The following GPR4 variants were observed in gnomAD, a reference collection of about 807,000 sequenced individuals.
GPR4 encodes the protein G protein-coupled receptor 4.
In GPR4, 11 loss-of-function variants were observed where a neutral mutation model predicts 17.8. The ratio of observed to expected loss-of-function variants is 0.62; its 90% CI spans 0.39 to 1.02. GPR4 has a LOEUF of 1.02. Ranked by LOEUF, GPR4 falls within the 50% of genes least tolerant of loss-of-function variation. The probability of loss-of-function intolerance (pLI) is 0.00; values close to 1 mark genes in which losing one functional copy is unlikely to be tolerated. For missense variants in GPR4, 364 were observed against 495.4 expected, an observed-to-expected ratio of 0.73 and a Z score of 2.52; for synonymous variants, 219 against 222.8, an observed-to-expected ratio of 0.98 and a Z score of 0.15.
chr19:45,590,127 A>G lies in GPR4; in HGVS notation c.*651T>C, dbSNP rs539513255. ...GGCTTTGCAAACATAATGACTCTAT[A>G]TCGGCTGCATTTCTCCTTCCACTTT... On this transcript the variant is annotated 3_prime_UTR_variant, in exon 2 of 2. Coordinates refer to ENST00000323040, the MANE Select transcript of GPR4 (RefSeq NM_005282.3). 1.1e-3 allele frequency: 175 copies of G among 152,226 alleles called. No individual in the cohort carries two copies. The highest frequency in any genetic ancestry group is 4.0e-3 in the African/African-American group (167 of 41,514). 9.4% of individuals were successfully genotyped at this position (152,226 alleles called of 1,614,324 possible).
At chr19:45,595,086 G>A (rs1970043596) in intron 1 of GPR4, among the ~76,000 whole-genome samples, 1 of 151,980 alleles carries the variant, frequency 6.6e-6, no homozygotes, top group South Asian at 2.1e-4. Context: ...AGACCAGCCT[G>A]ACCAACATGG....
chr19:45,591,628 T>C lies in GPR4; in HGVS notation c.239A>G (p.His80Arg), dbSNP rs183839594. Reference sequence around the variant, plus strand: ...CCCGGGGCCGTGGATCCAGTTGTCGTGGTGCAGGAAGTAGTCCACCCACAG... The same window carrying C: ...CCCGGGGCCGTGGATCCAGTTGTCGCGGTGCAGGAAGTAGTCCACCCACAG... Reference protein sequence around the residue: ...LPLWVDYFLHHDNWIHGPGSC... With the variant: ...LPLWVDYFLHRDNWIHGPGSC... Residue 80 changes from histidine (H) to arginine (R), a missense_variant, in exon 2 of 2, where the codon CAC becomes CGC. Coordinates refer to ENST00000323040, the MANE Select transcript of GPR4 (RefSeq NM_005282.3). The surrounding 1 kb of genome is among the most constrained non-coding windows in gnomAD (Gnocchi z 7.6). The C allele has an allele frequency of 6.2e-6, 10 of 1,614,000 alleles. No homozygotes were observed. Among genetic ancestry groups the C allele is most frequent in the Non-Finnish European group, 8.5e-6 (10 of 1,179,990 alleles).
At chr19:45,596,063 C>T (rs982634575) in intron 1 of GPR4, among the ~76,000 whole-genome samples, 1 of 152,240 alleles carries the variant, frequency 6.6e-6, no homozygotes, top group African/African-American at 2.4e-5. Context: ...ACGCCTGCCA[C>T]TGTCCACTCT....
At chr19:45,598,921 G>T (rs911578815) in intron 1 of GPR4, among the ~76,000 whole-genome samples, 1 of 152,132 alleles carries the variant, frequency 6.6e-6, no homozygotes, top group African/African-American at 2.4e-5. Context: ...CCTACTAGAA[G>T]ATACGACCTT....
chr19:45,596,355 G>A (rs530968184), intron 1 of GPR4, among the ~76,000 whole-genome samples: 5 of 151,942 alleles, frequency 3.3e-5, no homozygotes, highest in South Asian at 4.2e-4. Context: ...ACAGGCATGC[G>A]TCACCACGCT....
In GPR4 at chr19:45,592,089, G is replaced by A; in HGVS notation, c.-223C>T. On this transcript the variant is annotated 5_prime_UTR_variant, in exon 2 of 2. Transcript: ENST00000323040. ...TGGAGGAGGGATGGAATTATGACAG[G>A]AGGGAAGTCTGGAGGATGGTGAGAT... 8.0e-6 allele frequency: 4 copies of A among 497,532 alleles called. No homozygotes were observed. The highest frequency in any genetic ancestry group is 5.5e-4 in the Middle Eastern group (1 of 1,828). 30.8% of individuals were successfully genotyped at this position (497,532 alleles called of 1,614,324 possible). A position where few individuals can be genotyped will look rare whatever the true frequency, so the allele number is the denominator to read the frequency against.
At chr19:45,596,203 CTTTT>C (rs56044839) in intron 1 of GPR4, among the ~76,000 whole-genome samples, 3 of 132,712 alleles carry the variant, frequency 2.3e-5, no homozygotes, top group Non-Finnish European at 3.2e-5. Context: ...TTCTTTTCTT[CTTTT>C]TTTTTTTTTT....
chr19:45,590,680 A>T lies in GPR4; in HGVS notation c.*98T>A. On this transcript the variant is annotated 3_prime_UTR_variant, in exon 2 of 2. Transcript: ENST00000323040. ...AGTTCTTGTATTCTTATGAATATTA[A>T]CACAGCCCTTTTTCCATACAATTTG... The T allele has an allele frequency of 7.1e-7, 1 of 1,414,098 alleles. No homozygotes were observed. Among genetic ancestry groups the T allele is most frequent in the East Asian group, 2.3e-5 (1 of 43,166 alleles). 87.6% of individuals were successfully genotyped at this position (1,414,098 alleles called of 1,614,324 possible). A position where few individuals can be genotyped will look rare whatever the true frequency, so the allele number is the denominator to read the frequency against.
rs771369207 is a variant in GPR4, at chr19:45,591,399, G to A, written c.468C>T (p.Asp156=). 3.7e-6 allele frequency: 6 copies of A among 1,613,302 alleles called. No homozygotes were observed. The highest frequency in any genetic ancestry group is 5.1e-6 in the Non-Finnish European group (6 of 1,179,824). ...GGTTGTAGCGGTCTCGGAAGAGCTC[G>A]TCATGGAACAGGGGCGCCGAGTTGG... ...LGANSAPLFH[D]ELFRDRYNHT... The change falls in exon 2 of 2, where the codon GAC becomes GAT. Residue 156 remains aspartate (D), a synonymous_variant. Transcript: ENST00000323040. This position sits in a 1 kb window ranked among gnomAD's most constrained non-coding sequence, Gnocchi z 7.6.
At chr19:45,592,756 A>C (rs1410087236) in intron 1 of GPR4, 59 bp from the exon 2 acceptor site, 1 of 165,180 alleles carries the variant, frequency 6.1e-6, no homozygotes, top group South Asian at 2.1e-4. Flanking sequence ...TCTTCTCCCC[A>C]CACTCCTCAC....
In GPR4 at chr19:45,600,225, C is replaced by T. The variant is rs184659372; in HGVS notation, c.-832+1870G>A. On this transcript the variant is annotated intron_variant, in intron 1 of 1. Coordinates refer to ENST00000323040, the MANE Select transcript of GPR4 (RefSeq NM_005282.3). ...TATCCAGGCCGCCTCTCTACCCTTT[C>T]GCTAGTGGGCCTAGCCTCAGCCCTC... 1.5e-3 allele frequency among the ~76,000 whole-genome samples: 234 copies of T among 152,236 alleles called. 1 individual carries two copies. Among genetic ancestry groups the T allele is most frequent in the African/African-American group, 5.3e-3 (220 of 41,552 alleles).
intron 1 of GPR4, among the ~76,000 whole-genome samples, chr19:45,594,094 A>ATATATTTTATATATATATATAT: frequency 8.9e-6 from 1 of 112,936 alleles, no homozygotes; most frequent in Non-Finnish European, 1.6e-5. Flanking sequence ...ATATATATAT[A>ATATATTTTATATATATATATAT]AAATAGATGC....
intron 1 of GPR4, among the ~76,000 whole-genome samples, chr19:45,599,436 C>T (rs1488338576): frequency 6.6e-6 from 1 of 151,250 alleles, no homozygotes; most frequent in Non-Finnish European, 1.5e-5. Context: ...ACCCCCCCCT[C>T]CCCGCCTTCT....
rs188005857 is a variant in GPR4, at chr19:45,591,651, C to T, written c.216G>A (p.Leu72=). The part of the protein sequence containing the change: ...ADLLYICTLP[L]WVDYFLHHDN... ...CGTGGTGCAGGAAGTAGTCCACCCACAGCGGCAGCGTGCAGATGTACAGCA... is the reference window on the plus strand; with the variant it reads ...CGTGGTGCAGGAAGTAGTCCACCCATAGCGGCAGCGTGCAGATGTACAGCA... Residue 72 remains leucine (L), a synonymous_variant, in exon 2 of 2, where the codon CTG becomes CTA. Coordinates refer to ENST00000323040, the MANE Select transcript of GPR4 (RefSeq NM_005282.3). This position sits in a 1 kb window ranked among gnomAD's most constrained non-coding sequence, Gnocchi z 7.6. 1.3e-5 allele frequency: 21 copies of T among 1,614,066 alleles called. No homozygotes were observed. In the African/African-American group the frequency reaches 2.5e-4, roughly 19 times the overall value.
chr19:45,598,397 A>G (rs1315310107), intron 1 of GPR4, among the ~76,000 whole-genome samples: 1 of 151,834 alleles, frequency 6.6e-6, no homozygotes, highest in Non-Finnish European at 1.5e-5. Flanking sequence ...GGCTCTGCTG[A>G]CCTAACTCGG....
Position 45,591,418 on chromosome 19 carries a change from G to A in GPR4, c.449C>T (p.Ser150Leu), listed in dbSNP as rs1320717320. 6 of 1,607,072 alleles carry A rather than the reference G, an allele frequency of 3.7e-6. No homozygotes were observed. Among genetic ancestry groups the A allele is most frequent in the Non-Finnish European group, 8.5e-7 (1 of 1,178,294 alleles). ...GAGCTCGTCATGGAACAGGGGCGCC[G>A]AGTTGGCGCCCAGCTCCGTGGCCCA... ...VVWATELGANSAPLFHDELFR... is the reference protein window; with the variant it reads ...VVWATELGANLAPLFHDELFR... The change falls in exon 2 of 2, where the codon TCG becomes TTG. Residue 150 changes from serine (S) to leucine (L), a missense_variant. Ser to Leu is a moderately radical substitution (Grantham distance 145). This residue lies in a region of GPR4 where 271 missense variants were observed against 373.1 expected (regional missense o/e 0.73). Coordinates refer to ENST00000323040, the MANE Select transcript of GPR4 (RefSeq NM_005282.3). The surrounding 1 kb of genome is among the most constrained non-coding windows in gnomAD (Gnocchi z 7.6).
In GPR4 at chr19:45,591,495, G is replaced by A. The variant is rs1174252816; in HGVS notation, c.372C>T (p.Arg124=). The A allele has an allele frequency of 4.3e-6, 7 of 1,611,552 alleles. No homozygotes were observed. In the South Asian group the frequency reaches 7.7e-5, roughly 18 times the overall value. Residue 124 remains arginine, a synonymous_variant, in exon 2 of 2, where the codon CGC becomes CGT. Transcript: ENST00000323040. This position sits in a 1 kb window ranked among gnomAD's most constrained non-coding sequence, Gnocchi z 7.6. The part of the protein sequence containing the change: ...DRYLAVAHPL[R]FARLRRVKTA... Reference sequence around the variant, plus strand: ...TCTTGACGCGGCGCAGGCGGGCGAAGCGGAGTGGGTGGGCCACAGCCAGGT... The same window carrying A: ...TCTTGACGCGGCGCAGGCGGGCGAAACGGAGTGGGTGGGCCACAGCCAGGT...
chr19:45,601,466 A>G (rs1459194823), intron 1 of GPR4, among the ~76,000 whole-genome samples: 1 of 152,006 alleles, frequency 6.6e-6, no homozygotes, highest in Non-Finnish European at 1.5e-5. Flanking sequence ...GGGCGCTGGG[A>G]TCATGGTGTC....
chr19:45,600,042 C>T (rs568262776), intron 1 of GPR4, among the ~76,000 whole-genome samples: 4 of 152,234 alleles, frequency 2.6e-5, no homozygotes, highest in African/African-American at 9.6e-5. Context: ...CTTTTCTTTC[C>T]CCCCTTCTCT....
Sources: allele counts gnomAD v4.1 joint callset (sites outside exome capture counted in the v4.1 genomes callset), GRCh38; gene constraint gnomAD v4.1.1; regional missense constraint gnomAD v4.1.1; non-coding constraint Gnocchi (gnomAD v3.1); transcripts MANE v1.5; gene names NCBI Gene and HGNC (gene_info 2026-07-23, HGNC 2026-07-21).